ADAMTS18: variants seen among roughly 807,000 people sequenced by gnomAD.
ADAMTS18 encodes A disintegrin and metalloproteinase with thrombospondin motifs 18.
ADAMTS18 carries 157 observed loss-of-function variants against 165.9 expected under a neutral mutation model. The observed-to-expected ratio is 0.95, with a 90% CI of 0.83 to 1.08. The LOEUF is 1.08. Ranked by LOEUF, ADAMTS18 falls within the 50% of genes least tolerant of loss-of-function variation. The pLI, the probability that ADAMTS18 is intolerant of heterozygous loss-of-function variation, is 0.00. For synonymous variants in ADAMTS18, 782 were observed against 578.2 expected (o/e 1.35, Z -5.06); for missense variants, 2,040 against 1,534.0 (o/e 1.33, Z -5.51).
chr16:77,323,525 A>G (rs2144645568), intron 13 of ADAMTS18, among the ~76,000 whole-genome samples: 2 of 149,280 alleles, frequency 1.3e-5, no homozygotes, highest in East Asian at 4.0e-4. Flanking sequence ...TTTCTCTATC[A>G]TTTCCAGAAA....
chr16:77,382,856 G>T (rs184393542), intron 3 of ADAMTS18, among the ~76,000 whole-genome samples: 2 of 152,264 alleles, frequency 1.3e-5, no homozygotes, highest in Non-Finnish European at 2.9e-5. Context: ...TGCTGGGTCT[G>T]CTAATAACAC....
At chr16:77,377,096 T>C (rs1464932760) in intron 3 of ADAMTS18, among the ~76,000 whole-genome samples, 1 of 152,236 alleles carries the variant, frequency 6.6e-6, no homozygotes, top group African/African-American at 2.4e-5. Context: ...ATTACAGGCA[T>C]GAGCCACCTC....
intron 3 of ADAMTS18, among the ~76,000 whole-genome samples, chr16:77,377,907 T>C (rs1179726474): frequency 6.6e-6 from 1 of 152,012 alleles, no homozygotes; most frequent in African/African-American, 2.4e-5. Context: ...GAAATAGAAA[T>C]TCATAGTCCA....
At chr16:77,307,410 A>G (rs1192236763) in intron 16 of ADAMTS18, among the ~76,000 whole-genome samples, 1 of 152,202 alleles carries the variant, frequency 6.6e-6, no homozygotes, top group African/African-American at 2.4e-5. Context: ...ACAGTAATAC[A>G]AAGACCCTGA....
intron 3 of ADAMTS18, 51 bp downstream of exon 3, chr16:77,431,244 G>C (rs2057735517): frequency 6.2e-7 from 1 of 1,602,398 alleles, no homozygotes; most frequent in South Asian, 1.1e-5. Flanking sequence ...GTTCATTCAA[G>C]TTACACAAAA....
intron 10 of ADAMTS18, among the ~76,000 whole-genome samples, chr16:77,350,107 T>A (rs781346545): frequency 6.6e-6 from 1 of 152,210 alleles, no homozygotes; most frequent in African/African-American, 2.4e-5. Context: ...ATGGAGTCAG[T>A]AAGCATTTCT....
At chr16:77,346,856 GTGTAC>G (rs554038229) in intron 10 of ADAMTS18, among the ~76,000 whole-genome samples, 226 of 152,228 alleles carry the variant, frequency 1.5e-3, no homozygotes, top group Admixed American at 2.7e-3. Context: ...TTCATTTTAA[GTGTAC>G]TGTTCCATGC....
rs746051519 is a variant in ADAMTS18, at chr16:77,291,384, C to T, written c.3284G>A (p.Arg1095Lys). 4.3e-6 allele frequency: 7 copies of T among 1,614,170 alleles called. No homozygotes were observed. In the East Asian group the frequency reaches 1.3e-4, roughly 31 times the overall value. ...QGKLITFPER[R>K]CRNIKKPNLD... ...ATTTGGTTTCTTAATATTACGGCAT[C>T]TTCGCTCTGGGAAAGTTATCAGCTT... The change falls in exon 21 of 23, where the codon AGA becomes AAA. Residue 1095 changes from arginine (R) to lysine (K), a missense_variant. Arg to Lys is a conservative substitution (Grantham distance 26). Coordinates refer to ENST00000282849, the MANE Select transcript of ADAMTS18 (RefSeq NM_199355.4).
At chr16:77,309,700 G>C (rs1432847806) in intron 16 of ADAMTS18, among the ~76,000 whole-genome samples, 1 of 152,152 alleles carries the variant, frequency 6.6e-6, no homozygotes, top group Non-Finnish European at 1.5e-5. Context: ...ATTTCTTGGG[G>C]TTAACTGACA....
At chr16:77,410,805 C>G (rs931862853) in intron 3 of ADAMTS18, among the ~76,000 whole-genome samples, 2 of 152,100 alleles carry the variant, frequency 1.3e-5, no homozygotes, top group Non-Finnish European at 2.9e-5. Context: ...GGACTGAGTA[C>G]AGGTAGCTGG....
chr16:77,307,865 G>A (rs898279943), intron 16 of ADAMTS18, among the ~76,000 whole-genome samples: 5 of 152,208 alleles, frequency 3.3e-5, no homozygotes, highest in African/African-American at 1.2e-4. Context: ...AAAGGAGCTG[G>A]ATGACAAGGT....
At chr16:77,330,540 C>T (rs946543256) in intron 12 of ADAMTS18, among the ~76,000 whole-genome samples, 2 of 152,142 alleles carry the variant, frequency 1.3e-5, no homozygotes, top group Non-Finnish European at 2.9e-5. Context: ...TTTCAACTCA[C>T]GTGTCAGTTC....
At chr16:77,359,295 T>A in intron 8 of ADAMTS18, 23 bp downstream of exon 8, 1 of 1,590,942 alleles carries the variant, frequency 6.3e-7, no homozygotes, top group Non-Finnish European at 8.6e-7. Flanking sequence ...TCACATAAAG[T>A]AGTGGTTCAA....
chr16:77,317,479 A>G (rs900616935), intron 16 of ADAMTS18, among the ~76,000 whole-genome samples: 4 of 152,124 alleles, frequency 2.6e-5, no homozygotes, highest in East Asian at 1.9e-4. Context: ...GATTACAGGC[A>G]TGCGCCACCA....
At chr16:77,311,820 G>A (rs2055786697) in intron 16 of ADAMTS18, among the ~76,000 whole-genome samples, 1 of 151,646 alleles carries the variant, frequency 6.6e-6, no homozygotes, top group African/African-American at 2.4e-5. Context: ...ATTGCTTTCA[G>A]ATAGGTCAAA....
Position 77,319,997 on chromosome 16 carries a change from C to A in ADAMTS18, c.2384G>T (p.Ser795Ile). The A allele has an allele frequency of 6.2e-7, 1 of 1,614,172 alleles. No homozygotes were observed. Among genetic ancestry groups the A allele is most frequent in the Non-Finnish European group, 8.5e-7 (1 of 1,180,016 alleles). The stretch of plus-strand genomic sequence containing the variant: ...GCCCCCGGTGAGGTAATACTTTTGA[C>A]TGAGGCTTCGAACTGCGAGGTAACT... Reference protein sequence around the residue: ...SSSYLAVRSLSQKYYLTGGWS... With the variant: ...SSSYLAVRSLIQKYYLTGGWS... Residue 795 changes from serine to isoleucine, a missense_variant, in exon 16 of 23, where the codon AGT becomes ATT. Physicochemically the swap from Ser to Ile is moderately radical, Grantham distance 142. Transcript: ENST00000282849.
At chr16:77,352,564 G>C (rs184392702) in intron 10 of ADAMTS18, among the ~76,000 whole-genome samples, 14 of 152,264 alleles carry the variant, frequency 9.2e-5, no homozygotes, top group Non-Finnish European at 1.8e-4. Flanking sequence ...TCTTTAAGTA[G>C]AATGCCTTAT....
At chr16:77,349,800 T>C (rs1449279309) in intron 10 of ADAMTS18, among the ~76,000 whole-genome samples, 1 of 152,190 alleles carries the variant, frequency 6.6e-6, no homozygotes, top group African/African-American at 2.4e-5. Context: ...CCGATCCTGC[T>C]ATCCTTCCAA....
At chr16:77,335,702 T>C (rs2056297770) in intron 12 of ADAMTS18, 54 bp downstream of exon 12, 2 of 1,609,076 alleles carry the variant, frequency 1.2e-6, no homozygotes, top group Admixed American at 3.3e-5. Flanking sequence ...AACCAGCGTG[T>C]TACAGGCTGA....
Sources: allele counts gnomAD v4.1 joint callset (sites outside exome capture counted in the v4.1 genomes callset), GRCh38; gene constraint gnomAD v4.1.1; transcripts MANE v1.5; gene names NCBI Gene and HGNC (gene_info 2026-07-23, HGNC 2026-07-21).